The following GADD45G variants were observed in gnomAD, a reference collection of about 807,000 sequenced individuals.
GADD45G encodes the protein growth arrest and DNA damage inducible gamma.
In GADD45G, 7 loss-of-function variants were observed where a neutral mutation model predicts 17.3. The ratio of observed to expected loss-of-function variants is 0.41; its 90% CI spans 0.23 to 0.76. The LOEUF is 0.76. Ranked by LOEUF, GADD45G falls within the 30% of genes least tolerant of loss-of-function variation. The pLI is 0.34. For synonymous variants in GADD45G, 93 were observed against 94.9 expected, an observed-to-expected ratio of 0.98 and a Z score of 0.12; for missense variants, 149 against 219.2, an observed-to-expected ratio of 0.68 and a Z score of 2.02.
intron 1 of GADD45G, 69 bp from the exon 2 acceptor site, chr9:89,605,363 G>A (rs1827503917): frequency 8.2e-7 from 1 of 1,224,066 alleles, no homozygotes; most frequent in Non-Finnish European, 1.2e-6. Context: ...GTGTGTGCCG[G>A]TGGCCGGGGC....
chr9:89,605,271 C>G (rs1376558769), intron 1 of GADD45G, 97 bp downstream of exon 1: 1 of 1,233,146 alleles, frequency 8.1e-7, no homozygotes, highest in Non-Finnish European at 1.2e-6. Flanking sequence ...GCGCGGGGGT[C>G]CGGGCGCCAG....
At position 89,605,758 on chromosome 9, in the gene GADD45G, G is replaced by C; in HGVS notation, c.247G>C (p.Ala83Pro). The C allele has an allele frequency of 6.2e-7, 1 of 1,614,054 alleles. No homozygotes were observed. Among genetic ancestry groups the C allele is most frequent in the Non-Finnish European group, 8.5e-7 (1 of 1,179,986 alleles). The change falls in exon 3 of 4, where the codon GCT becomes CCT. Residue 83 changes from alanine to proline, a missense_variant. By Grantham distance (27) the Ala-to-Pro change is conservative. Around this residue, in one of 3 missense-constraint regions of GADD45G, gnomAD observed 39 missense variants for 99.9 expected, o/e 0.39. Coordinates refer to ENST00000252506, the MANE Select transcript of GADD45G (RefSeq NM_006705.4). ...ALQIHFTLIQAFCCENDIDIV... is the reference protein window; with the variant it reads ...ALQIHFTLIQPFCCENDIDIV... ...GCAGATCCATTTTACGCTGATCCAG[G>C]CTTTCTGCTGCGAGAACGACATCGA...
rs946564528 is a variant in GADD45G, at chr9:89,606,393, G to C, written c.*314G>C. 1 of 427,048 alleles carries C rather than the reference G, an allele frequency of 2.3e-6. No individual in the cohort carries two copies. The highest frequency in any genetic ancestry group is 4.2e-5 in the East Asian group (1 of 23,594). The allele number at this position is 427,048 out of a possible 1,614,324, so 26.5% of individuals were successfully genotyped here. ...GGGCAGGCGTGACTCAGCAGCCTGC[G>C]CTCGGCAGGAAGGAGCGGCGCCCTG... On this transcript the variant is annotated 3_prime_UTR_variant, in exon 4 of 4. Coordinates refer to ENST00000252506, the MANE Select transcript of GADD45G (RefSeq NM_006705.4).
Position 89,606,315 on chromosome 9 carries a change from A to T in GADD45G, c.*236A>T. ...AAGTGTCTGGAGCGGCTGCTCGCCC[A>T]GGAAGGCCTAGGCTAGGACGTTGGC... On this transcript the variant is annotated 3_prime_UTR_variant, in exon 4 of 4. Transcript: ENST00000252506. 2 of 570,326 alleles carry T rather than the reference A, an allele frequency of 3.5e-6. No individual in the cohort carries two copies. The highest frequency in any genetic ancestry group is 6.3e-6 in the Non-Finnish European group (2 of 318,120). 35.3% of individuals were successfully genotyped at this position (570,326 alleles called of 1,614,324 possible).
rs1018387976 is a variant in GADD45G, at chr9:89,605,462, G to A, written c.84G>A (p.Glu28=). ...AGGGTGCCGGGAAAGCGCTGCATGA[G>A]TTGCTGCTGTCGGCGCAGCGTCAGG... is the stretch of plus-strand genomic sequence containing the variant. ...RMQGAGKALH[E]LLLSAQRQGC... Residue 28 remains glutamate (E), a synonymous_variant, in exon 2 of 4, where the codon GAG becomes GAA. Coordinates refer to ENST00000252506, the MANE Select transcript of GADD45G (RefSeq NM_006705.4). The A allele has an allele frequency of 6.4e-7, 1 of 1,559,596 alleles. No individual in the cohort carries two copies. Among genetic ancestry groups the A allele is most frequent in the Non-Finnish European group, 8.7e-7 (1 of 1,151,542 alleles).
Position 89,606,239 on chromosome 9 carries a change from G to A in GADD45G, c.*160G>A. 1.6e-6 allele frequency: 1 copy of A among 634,938 alleles called. No homozygotes were observed. Among genetic ancestry groups the A allele is most frequent in the South Asian group, 1.9e-5 (1 of 52,632 alleles). The allele number at this position is 634,938 out of a possible 1,614,324, so 39.3% of individuals were successfully genotyped here. Reference sequence around the variant, plus strand: ...AGAGCGAGGAGGCGCGGCCTCCCGAGGAGGGGCCCGGTGGCGGCAGGGCCA... The same window carrying A: ...AGAGCGAGGAGGCGCGGCCTCCCGAAGAGGGGCCCGGTGGCGGCAGGGCCA... On this transcript the variant is annotated 3_prime_UTR_variant, in exon 4 of 4. Transcript: ENST00000252506.
chr9:89,606,163 C>A lies in GADD45G; in HGVS notation c.*84C>A. 2.0e-6 allele frequency: 2 copies of A among 980,470 alleles called. No individual in the cohort carries two copies. The highest frequency in any genetic ancestry group is 1.4e-5 in the South Asian group (1 of 70,926). The allele number at this position is 980,470 out of a possible 1,614,324, so 60.7% of individuals were successfully genotyped here. A position where few individuals can be genotyped will look rare whatever the true frequency, so the allele number is the denominator to read the frequency against. ...CGGCTGGCTCTGTGGAGGGGCCCTCCGAGGGTGCCCGAGTGCGGCGTGGAG... is the reference window on the plus strand; with the variant it reads ...CGGCTGGCTCTGTGGAGGGGCCCTCAGAGGGTGCCCGAGTGCGGCGTGGAG... On this transcript the variant is annotated 3_prime_UTR_variant, in exon 4 of 4. Transcript: ENST00000252506.
chr9:89,605,367 C>T, intron 1 of GADD45G, 65 bp from the exon 2 acceptor site: 3 of 1,263,798 alleles, frequency 2.4e-6, no homozygotes, highest in Non-Finnish European at 3.4e-6. Context: ...GTGCCGGTGG[C>T]CGGGGCTGGG....
intron 1 of GADD45G, 25 bp from the exon 2 acceptor site, chr9:89,605,407 G>A (rs577033897): frequency 1.4e-5 from 21 of 1,520,776 alleles, no homozygotes; most frequent in Middle Eastern, 2.3e-4. Flanking sequence ...GCCGGCTCCC[G>A]CTCACTGCGC....
Position 89,605,020 on chromosome 9 carries a change from T to G in GADD45G, c.-102T>G. On this transcript the variant is annotated 5_prime_UTR_variant, in exon 1 of 4. Transcript: ENST00000252506. ...CGCAGCGTAGTAGGGGCGCACTCGC[T>G]GGTGGTGGGCGCGCCGTGCTGAGCT... is the stretch of plus-strand genomic sequence containing the variant. The G allele has an allele frequency of 1.1e-6, 1 of 911,188 alleles. No individual in the cohort carries two copies. The highest frequency in any genetic ancestry group is 2.0e-5 in the Admixed American group (1 of 49,828). 56.4% of individuals were successfully genotyped at this position (911,188 alleles called of 1,614,324 possible). A position where few individuals can be genotyped will look rare whatever the true frequency, so the allele number is the denominator to read the frequency against.
chr9:89,605,177 G>C lies in GADD45G; in HGVS notation c.53+3G>C, dbSNP rs1445476275. 6.2e-7 allele frequency: 1 copy of C among 1,613,166 alleles called. No individual in the cohort carries two copies. ...ACAGTTCCGGAAAGCACAGCCAGGT[G>C]GGTTTCAGGGCGCTGAGAAAGCCGC... is the stretch of plus-strand genomic sequence containing the variant. On this transcript the variant is annotated splice_donor_region_variant and intron_variant, in intron 1 of 3. Transcript: ENST00000252506.
Position 89,606,164 on chromosome 9 carries a change from G to A in GADD45G, c.*85G>A, listed in dbSNP as rs1827522483. On this transcript the variant is annotated 3_prime_UTR_variant, in exon 4 of 4. Transcript: ENST00000252506. ...GGCTGGCTCTGTGGAGGGGCCCTCC[G>A]AGGGTGCCCGAGTGCGGCGTGGAGA... is the stretch of plus-strand genomic sequence containing the variant. 3 of 983,544 alleles carry A rather than the reference G, an allele frequency of 3.1e-6. No homozygotes were observed. Among genetic ancestry groups the A allele is most frequent in the East Asian group, 2.6e-5 (1 of 38,164 alleles). 60.9% of individuals were successfully genotyped at this position (983,544 alleles called of 1,614,324 possible).
In GADD45G at chr9:89,606,461, C is replaced by A. The variant is rs1226731709; in HGVS notation, c.*382C>A. On this transcript the variant is annotated 3_prime_UTR_variant, in exon 4 of 4. Transcript: ENST00000252506. ...GGAGCGTGAAGGACTTAGCCGACTG[C>A]GCTGCTTTTTCAAAACGGATCCGGG... is the stretch of plus-strand genomic sequence containing the variant. 2.4e-5 allele frequency: 6 copies of A among 250,712 alleles called. No individual in the cohort carries two copies. The South Asian group carries it at 5.0e-4, about 21-fold the overall frequency. The allele number at this position is 250,712 out of a possible 1,614,324, so 15.5% of individuals were successfully genotyped here.
chr9:89,605,376 G>T, intron 1 of GADD45G, 56 bp from the exon 2 acceptor site: 1 of 1,332,634 alleles, frequency 7.5e-7, no homozygotes, highest in Admixed American at 2.0e-5. Context: ...GCCGGGGCTG[G>T]GGTCTCCGCC....
At chr9:89,605,934 C>G in intron 3 of GADD45G, 35 bp from the exon 4 acceptor site, 1 of 1,591,230 alleles carries the variant, frequency 6.3e-7, no homozygotes, top group Non-Finnish European at 8.6e-7. Context: ...CCTCGGCCCG[C>G]GGCCAGCCAG....
chr9:89,605,342 G>A, intron 1 of GADD45G, 90 bp from the exon 2 acceptor site: 1 of 1,124,256 alleles, frequency 8.9e-7, no homozygotes, highest in South Asian at 1.4e-5. Context: ...GTTGGAGTTG[G>A]GGAGCCAAGG....
Position 89,605,806 on chromosome 9 carries a change from C to A in GADD45G, c.295C>A (p.Gln99Lys). ...DIDIVRVGDVQRLAAIVGAGE... is the reference protein window; with the variant it reads ...DIDIVRVGDVKRLAAIVGAGE... ...CGACATAGTGCGCGTGGGCGATGTG[C>A]AGCGGCTGGCGGCTATCGTGGGCGC... The change falls in exon 3 of 4, where the codon CAG (glutamine) becomes AAG (lysine). Residue 99 changes from glutamine to lysine, a missense_variant. Around this residue, in one of 3 missense-constraint regions of GADD45G, gnomAD observed 39 missense variants for 99.9 expected, o/e 0.39. Transcript: ENST00000252506. 6.2e-7 allele frequency: 1 copy of A among 1,613,754 alleles called. No individual in the cohort carries two copies. Among genetic ancestry groups the A allele is most frequent in the East Asian group, 2.2e-5 (1 of 44,878 alleles).
At position 89,605,817 on chromosome 9, in the gene GADD45G, G is replaced by T. The variant is rs549977578; in HGVS notation, c.306G>T (p.Ala102=). 1 of 1,613,434 alleles carries T rather than the reference G, an allele frequency of 6.2e-7. No homozygotes were observed. The highest frequency in any genetic ancestry group is 8.5e-7 in the Non-Finnish European group (1 of 1,179,812). ...GCGTGGGCGATGTGCAGCGGCTGGC[G>T]GCTATCGTGGGCGCCGGCGAGGAGG... The part of the protein sequence containing the change: ...IVRVGDVQRL[A]AIVGAGEEAG... Residue 102 remains alanine (A), a synonymous_variant, in exon 3 of 4, where the codon GCG becomes GCT. Coordinates refer to ENST00000252506, the MANE Select transcript of GADD45G (RefSeq NM_006705.4).
At chr9:89,605,624 C>T in intron 2 of GADD45G, 43 bp from the exon 3 acceptor site, 2 of 1,585,506 alleles carry the variant, frequency 1.3e-6, no homozygotes, top group Non-Finnish European at 1.7e-6. Context: ...CGGGAGAACT[C>T]GGCTAGCCGG....
Sources: gnomAD v4.1 joint callset for allele counts on GRCh38, gnomAD v4.1.1 for gene constraint, gnomAD v4.1.1 regional missense constraint, MANE v1.5 for transcripts, NCBI Gene and HGNC (gene_info 2026-07-23, HGNC 2026-07-21) for gene names.